SLC8A1: variants seen among roughly 807,000 people sequenced by gnomAD.
The protein encoded by SLC8A1 is solute carrier family 8 member A1.
A neutral mutation model predicts 68.3 loss-of-function variants in SLC8A1; 18 were observed. The ratio of observed to expected loss-of-function variants is 0.26; its 90% confidence interval spans 0.18 to 0.39. SLC8A1 has a LOEUF of 0.39. Among genes scored for constraint, SLC8A1 ranks in the 10% least tolerant of loss-of-function variants. The pLI is 1.00. For missense variants in SLC8A1, 985 were observed against 1,156.7 expected (o/e 0.85, Z 2.15); for synonymous variants, 475 against 415.5 (o/e 1.14, Z -1.74).
chr2:40,405,453 A>G (rs1290251141), intron 2 of SLC8A1, among the ~76,000 whole-genome samples: 1 of 152,238 alleles, frequency 6.6e-6, no homozygotes, highest in Non-Finnish European at 1.5e-5. Flanking sequence ...TGCCTTTAAA[A>G]TACAATGGAT....
At chr2:40,412,093 G>C (rs948261151) in intron 2 of SLC8A1, among the ~76,000 whole-genome samples, 6 of 151,972 alleles carry the variant, frequency 3.9e-5, no homozygotes, top group Admixed American at 1.3e-4. Context: ...ATTTGACCTG[G>C]GTCTTGAACC....
chr2:40,230,105 C>T (rs1335956195), intron 2 of SLC8A1, among the ~76,000 whole-genome samples: 1 of 152,138 alleles, frequency 6.6e-6, no homozygotes, highest in Non-Finnish European at 1.5e-5. Context: ...ATCTCTAGAT[C>T]CCCACTTGGG....
At chr2:40,133,713 A>G (rs115240525) in intron 7 of SLC8A1, among the ~76,000 whole-genome samples, 1 of 142,558 alleles carries the variant, frequency 7.0e-6, no homozygotes, top group Non-Finnish European at 1.5e-5. Flanking sequence ...CCCCCCCCCC[A>G]CCGACTCATC....
At chr2:40,348,523 C>A (rs569587567) in intron 2 of SLC8A1, among the ~76,000 whole-genome samples, 17 of 152,262 alleles carry the variant, frequency 1.1e-4, no homozygotes, top group African/African-American at 3.8e-4. Flanking sequence ...GATAAATCTG[C>A]GCAAGAAACA....
Position 40,172,319 on chromosome 2 carries a change from T to TC in SLC8A1, c.1930+2505dup, listed in dbSNP as rs555130295. ...GGAATGGACAGGCCAGTGTAGAAAT[T>TC]CCCAAGTTTTGGAACATTCTCTTGT... On this transcript the variant is annotated intron_variant, in intron 4 of 7. Coordinates refer to ENST00000406785, the Ensembl canonical transcript of SLC8A1. Among the ~76,000 whole-genome samples the TC allele has an allele frequency of 1.8e-4, 28 of 152,304 alleles. No individual in the cohort carries two copies. In the South Asian group the frequency reaches 5.4e-3, roughly 29 times the overall value.
chr2:40,375,405 C>T (rs566093343), intron 2 of SLC8A1, among the ~76,000 whole-genome samples: 1 of 152,102 alleles, frequency 6.6e-6, no homozygotes, highest in African/African-American at 2.4e-5. Flanking sequence ...ATTTTCCTAA[C>T]AAACTTACTT....
upstream of SLC8A1, among the ~76,000 whole-genome samples, chr2:40,453,823 C>T (rs1172336423): frequency 1.3e-5 from 2 of 152,156 alleles, no homozygotes; most frequent in Non-Finnish European, 2.9e-5. Flanking sequence ...ATGCTGAGGC[C>T]GTCTGAATGA....
intron 2 of SLC8A1, among the ~76,000 whole-genome samples, chr2:40,253,523 G>C (rs2063341670): frequency 6.6e-6 from 1 of 151,906 alleles, no homozygotes; most frequent in African/African-American, 2.4e-5. Context: ...ACAGTAGAAT[G>C]GTACTTAAAA....
chr2:40,221,076 C>T lies in SLC8A1; in HGVS notation c.1809-43221G>A, dbSNP rs930149168. Among the ~76,000 whole-genome samples the T allele has an allele frequency of 4.6e-5, 7 of 151,852 alleles. No individual in the cohort carries two copies. The East Asian group carries it at 5.8e-4, about 13-fold the overall frequency. On this transcript the variant is annotated intron_variant, in intron 2 of 7. Transcript: ENST00000406785. ...AAACCTGGCAGAGACACAACAACAA[C>T]AAAAAAGAAAATTTCAGGCCAATAT...
chr2:40,106,480 A>C (rs1205800419), exon 8 of SLC8A1: 4 of 152,212 alleles, frequency 2.6e-5, no homozygotes, highest in Non-Finnish European at 5.9e-5. Context: ...ATAAAAAAAA[A>C]AACAACTAAA....
intron 2 of SLC8A1, among the ~76,000 whole-genome samples, chr2:40,290,991 A>G (rs1228338522): frequency 6.6e-6 from 1 of 152,220 alleles, no homozygotes; most frequent in Admixed American, 6.5e-5. Context: ...CTTTCTAGAC[A>G]TAAAAATTCA....
chr2:40,396,130 G>A (rs530393971), intron 2 of SLC8A1, among the ~76,000 whole-genome samples: 28 of 152,256 alleles, frequency 1.8e-4, no homozygotes, highest in Non-Finnish European at 3.1e-4. Flanking sequence ...CTCTGTCAGG[G>A]TAACAAAAAC....
intron 2 of SLC8A1, among the ~76,000 whole-genome samples, chr2:40,372,339 G>C (rs1307917448): frequency 6.6e-6 from 1 of 152,094 alleles, no homozygotes; most frequent in Non-Finnish European, 1.5e-5. Context: ...ACAGAGATCT[G>C]TTAACCTTGG....
At chr2:40,125,325 T>C (rs1488615610) in intron 7 of SLC8A1, among the ~76,000 whole-genome samples, 1 of 152,148 alleles carries the variant, frequency 6.6e-6, no homozygotes, top group Non-Finnish European at 1.5e-5. Flanking sequence ...GGAGATAGCC[T>C]TGACATCAGG....
intron 1 of SLC8A1, among the ~76,000 whole-genome samples, chr2:40,494,340 A>C (rs1017378427): frequency 1.5e-4 from 23 of 152,204 alleles, no homozygotes; most frequent in African/African-American, 5.5e-4. Flanking sequence ...GAGATTAAAT[A>C]AATGATAAAC....
chr2:40,278,235 C>A (rs1354873930), intron 2 of SLC8A1, among the ~76,000 whole-genome samples: 1 of 152,038 alleles, frequency 6.6e-6, no homozygotes, highest in Admixed American at 6.5e-5. Flanking sequence ...CTTTGGGAGG[C>A]CGAGGCGTGT....
chr2:40,288,560 C>T (rs1202121625), intron 2 of SLC8A1, among the ~76,000 whole-genome samples: 1 of 152,070 alleles, frequency 6.6e-6, no homozygotes, highest in Non-Finnish European at 1.5e-5. Flanking sequence ...AGAATAACCC[C>T]TGTGTTGTGC....
intron 2 of SLC8A1, among the ~76,000 whole-genome samples, chr2:40,402,903 C>T (rs930862959): frequency 1.3e-5 from 2 of 152,214 alleles, no homozygotes; most frequent in Non-Finnish European, 2.9e-5. Flanking sequence ...TAGCTACCAA[C>T]ACAATTGTGC....
intron 6 of SLC8A1, among the ~76,000 whole-genome samples, chr2:40,156,416 A>G (rs1409067867): frequency 1.3e-5 from 2 of 151,222 alleles, no homozygotes; most frequent in African/African-American, 2.4e-5. Flanking sequence ...ATGCCAATAC[A>G]TACTATGTCT....
Sources: allele counts gnomAD v4.1 joint callset (sites outside exome capture counted in the v4.1 genomes callset), GRCh38; gene constraint gnomAD v4.1.1; transcripts MANE v1.5; gene names NCBI Gene and HGNC (gene_info 2026-07-23, HGNC 2026-07-21).